C3: variants seen among roughly 807,000 people sequenced by gnomAD.
The protein encoded by C3 is C3 and PZP-like alpha-2-macroglobulin domain-containing protein 1.
Under a neutral mutation model 207.9 loss-of-function variants are expected in C3, and 97 were observed. That is an observed-to-expected ratio of 0.47 (90% CI 0.40 to 0.55). C3 has a LOEUF of 0.55. C3 is among the 20% of genes least tolerant of loss of function. C3 has a pLI of 0.00. For synonymous variants in C3, 848 were observed against 857.6 expected (o/e 0.99, Z 0.20); for missense variants, 1,684 against 2,171.7 (o/e 0.78, Z 4.46).
At chr19:6,710,441 TAGAGAGAGGGAAAGAGAGATAAAA>T (rs1023248446) in intron 13 of C3, among the ~76,000 whole-genome samples, 174 bp downstream of exon 13, 2 of 86,010 alleles carry the variant, frequency 2.3e-5, no homozygotes, top group African/African-American at 1.1e-4. Flanking sequence ...AAGAGAGATG[TAGAGAGAGGGAAAGAGAGATAAAA>T]AGAGAGACAG....
intron 4 of C3, among the ~76,000 whole-genome samples, chr19:6,714,822 A>G (rs1364253603): frequency 2.0e-5 from 3 of 152,174 alleles, no homozygotes; most frequent in Non-Finnish European, 2.9e-5. Flanking sequence ...AGATCACTCC[A>G]CTGCACTCCA....
chr19:6,689,391 C>T (rs11085193), intron 27 of C3, among the ~76,000 whole-genome samples: 3,420 of 127,882 alleles, frequency 0.027, 326 homozygotes, highest in African/African-American at 0.11. Context: ...CTCTCTCTGC[C>T]TTGGTCCCTC....
chr19:6,699,312 G>A (rs1262765097), intron 19 of C3, among the ~76,000 whole-genome samples: 3 of 145,418 alleles, frequency 2.1e-5, no homozygotes, highest in African/African-American at 7.7e-5. Context: ...GACCTCAAAT[G>A]ATTTGCCGGC....
In C3 at chr19:6,709,707, T is replaced by C; in HGVS notation, c.1822A>G (p.Lys608Glu). ...VDKGVFVLNK[K>E]NKLTQSKIWD... ...ACCTTACTCTGCGTCAGTTTGTTCT[T>C]CTTATTCAGCACGAACACGCCCTTG... The change falls in exon 14 of 41, where the codon AAG (lysine) becomes GAG (glutamate). Residue 608 changes from lysine to glutamate, a missense_variant. This residue lies in a region of C3 where 1,280 missense variants were observed against 1,739.1 expected (regional missense o/e 0.74). Transcript: ENST00000245907. 3 of 1,613,686 alleles carry C rather than the reference T, an allele frequency of 1.9e-6. No homozygotes were observed. Among genetic ancestry groups the C allele is most frequent in the Non-Finnish European group, 2.5e-6 (3 of 1,179,910 alleles).
In C3 at chr19:6,718,426, G is replaced by A; in HGVS notation, c.268-14C>T. The A allele has an allele frequency of 6.2e-7, 1 of 1,614,236 alleles. No individual in the cohort carries two copies. Among genetic ancestry groups the A allele is most frequent in the Non-Finnish European group, 8.5e-7 (1 of 1,180,042 alleles). On this transcript the variant is annotated splice_polypyrimidine_tract_variant and intron_variant, in intron 2 of 40. Transcript: ENST00000245907. ...GTTGGCTGGGATCTAGGCGTGGGCA[G>A]GGCATTGTCAGGGGTCTGTTCCAAG...
At chr19:6,704,556 C>T (rs1448118678) in intron 17 of C3, among the ~76,000 whole-genome samples, 4 of 151,748 alleles carry the variant, frequency 2.6e-5, no homozygotes, top group Non-Finnish European at 5.9e-5. Context: ...GTTGGGAGTT[C>T]GACACCAGCC....
chr19:6,694,730 C>G, intron 23 of C3, 96 bp from the exon 24 acceptor site: 3 of 1,158,394 alleles, frequency 2.6e-6, no homozygotes, highest in Non-Finnish European at 3.7e-6. Context: ...CAGCCAGGGC[C>G]AAGGGGTTAG....
rs538299605 is a variant in C3, at chr19:6,702,635, T to C, written c.2246-56A>G. ...AGAGCAGGCCAGTTGCCATGGCTCATGCCTGAAATCCCAGCACTTAGGGAG... is the reference window on the plus strand; with the variant it reads ...AGAGCAGGCCAGTTGCCATGGCTCACGCCTGAAATCCCAGCACTTAGGGAG... On this transcript the variant is annotated intron_variant, in intron 17 of 40. Coordinates refer to ENST00000245907, the MANE Select transcript of C3 (RefSeq NM_000064.4). 1.0e-5 allele frequency: 13 copies of C among 1,249,804 alleles called. 1 individual carries two copies. The African/African-American group carries it at 1.3e-4, about 13-fold the overall frequency. The allele number at this position is 1,249,804 out of a possible 1,614,324, so 77.4% of individuals were successfully genotyped here.
rs751832469 is a variant in C3 at position 6,702,618 on chromosome 19, C to T, written c.2246-39G>A. On this transcript the variant is annotated intron_variant, in intron 17 of 40. Transcript: ENST00000245907. ...AGATCTGCATTTAGAACAGAGCAGG[C>T]CAGTTGCCATGGCTCATGCCTGAAA... 9.0e-5 allele frequency: 127 copies of T among 1,409,600 alleles called. 1 individual carries two copies. The South Asian group carries it at 1.4e-3, about 16-fold the overall frequency. 87.3% of individuals were successfully genotyped at this position (1,409,600 alleles called of 1,614,324 possible). A position where few individuals can be genotyped will look rare whatever the true frequency, so the allele number is the denominator to read the frequency against.
chr19:6,714,134 C>T, intron 6 of C3, 32 bp downstream of exon 6: 2 of 1,610,864 alleles, frequency 1.2e-6, no homozygotes, highest in Non-Finnish European at 1.7e-6. Flanking sequence ...GCGTTCTGGG[C>T]ACTGACTCCC....
rs769294331 is a variant in C3, at chr19:6,702,577, T to A, written c.2248A>T (p.Asn750Tyr). 2.1e-5 allele frequency: 33 copies of A among 1,606,476 alleles called. No individual in the cohort carries two copies. The African/African-American group carries it at 2.7e-4, about 13-fold the overall frequency. The change falls in exon 18 of 41, where the codon AAC becomes TAC. Residue 750 changes from asparagine (N) to tyrosine (Y), a missense_variant and splice_region_variant. Around this residue, in one of 3 missense-constraint regions of C3, gnomAD observed 1,280 missense variants for 1,739.1 expected, o/e 0.74. Coordinates refer to ENST00000245907, the MANE Select transcript of C3 (RefSeq NM_000064.4). ...TCTGCAATGATGTCCTCATCCAGGT[T>A]ACCTGCAGGGGGTTTAGATCTGCAT... ...RASHLGLARS[N>Y]LDEDIIAEEN...
Position 6,718,233 on chromosome 19 carries a change from G to A in C3, c.433+14C>T. On this transcript the variant is annotated intron_variant, in intron 3 of 40. Coordinates refer to ENST00000245907, the MANE Select transcript of C3 (RefSeq NM_000064.4). Reference sequence around the variant, plus strand: ...CGCCGGTGCCCCGCCCTCTCCAGCCGCCCCCAGCCTCACCTGTGGAGCCAG... The same window carrying A: ...CGCCGGTGCCCCGCCCTCTCCAGCCACCCCCAGCCTCACCTGTGGAGCCAG... 1 of 1,614,030 alleles carries A rather than the reference G, an allele frequency of 6.2e-7. No individual in the cohort carries two copies. Among genetic ancestry groups the A allele is most frequent in the Non-Finnish European group, 8.5e-7 (1 of 1,179,956 alleles).
Position 6,713,349 on chromosome 19 carries a change from C to T in C3, c.877-34G>A, listed in dbSNP as rs142929352. 590 of 1,613,786 alleles carry T rather than the reference C, an allele frequency of 3.7e-4. 3 individuals carry two copies. In the East Asian group the frequency reaches 0.012, roughly 33 times the overall value. ...GGAGAGGAGGGCTCAGAGAGGGGAGCGGGCTCAGAGGTGGCGGGGACTGGG... is the reference window on the plus strand; with the variant it reads ...GGAGAGGAGGGCTCAGAGAGGGGAGTGGGCTCAGAGGTGGCGGGGACTGGG... On this transcript the variant is annotated intron_variant, in intron 8 of 40. Transcript: ENST00000245907.
chr19:6,698,410 G>C (rs1230760540), intron 19 of C3, among the ~76,000 whole-genome samples: 2 of 152,092 alleles, frequency 1.3e-5, no homozygotes, highest in Non-Finnish European at 2.9e-5. Context: ...ATATCTGCTT[G>C]TCTGATATGG....
At chr19:6,682,341 C>A in intron 33 of C3, 112 bp from the exon 34 acceptor site, 4 of 791,288 alleles carry the variant, frequency 5.1e-6, no homozygotes, top group East Asian at 5.0e-5. Flanking sequence ...TCCCACATAG[C>A]AGCACAGAGG....
intron 21 of C3, 129 bp downstream of exon 21, chr19:6,697,215 C>T: frequency 2.6e-6 from 2 of 765,728 alleles, no homozygotes; most frequent in East Asian, 2.7e-5. Flanking sequence ...TCTGGGACTT[C>T]CAAATTTCCT....
chr19:6,681,685 T>G (rs999063639), intron 35 of C3, among the ~76,000 whole-genome samples: 3 of 152,138 alleles, frequency 2.0e-5, no homozygotes, highest in African/African-American at 7.2e-5. Flanking sequence ...AGGGCTTTTT[T>G]TCAATGGTTG....
intron 9 of C3, 123 bp downstream of exon 9, chr19:6,713,066 G>T: frequency 2.5e-6 from 3 of 1,223,686 alleles, no homozygotes; most frequent in South Asian, 1.2e-5. Context: ...TACCCCATCA[G>T]ACTGAACCCC....
intron 17 of C3, among the ~76,000 whole-genome samples, chr19:6,705,664 CT>C (rs1288247436): frequency 3.1e-5 from 4 of 127,868 alleles, no homozygotes; most frequent in Non-Finnish European, 1.7e-5. Flanking sequence ...TTTTTCCTTT[CT>C]TTTTTTGTTT....
Sources: allele counts gnomAD v4.1 joint callset (sites outside exome capture counted in the v4.1 genomes callset), GRCh38; gene constraint gnomAD v4.1.1; regional missense constraint gnomAD v4.1.1; transcripts MANE v1.5; gene names NCBI Gene and HGNC (gene_info 2026-07-23, HGNC 2026-07-21).